The following SMCO4 variants were observed in gnomAD, a reference collection of about 807,000 sequenced individuals.
The protein encoded by SMCO4 is single-pass membrane protein with coiled-coil domains 4.
SMCO4 carries 4 observed loss-of-function variants against 3.6 expected under a neutral mutation model. The observed-to-expected ratio is 1.11, with a 90% CI of 0.54 to 2.53. SMCO4 has a LOEUF of 2.53. SMCO4 is among the 30% of genes most tolerant of loss of function. SMCO4 has a pLI of 0.02. For missense variants in SMCO4, 70 were observed against 80.8 expected (o/e 0.87, Z 0.51); for synonymous variants, 36 against 35.3 (o/e 1.02, Z -0.07).
At chr11:93,512,082 T>C (rs192311041) in intron 1 of SMCO4, among the ~76,000 whole-genome samples, 2 of 152,220 alleles carry the variant, frequency 1.3e-5, no homozygotes, top group Non-Finnish European at 2.9e-5. Context: ...GCCAGAAATA[T>C]GCAATAGGAA....
At chr11:93,533,589 C>T (rs572957654) in intron 1 of SMCO4, among the ~76,000 whole-genome samples, 5 of 152,252 alleles carry the variant, frequency 3.3e-5, no homozygotes, top group Admixed American at 6.5e-5. Context: ...AGAGGTTGCA[C>T]TAGCAATCCC....
chr11:93,492,106 C>T (rs1411332495), intron 2 of SMCO4, among the ~76,000 whole-genome samples: 1 of 152,170 alleles, frequency 6.6e-6, no homozygotes, highest in South Asian at 2.1e-4. Flanking sequence ...ATTGTGCATC[C>T]GGGCCTTCCC....
At chr11:93,487,025 T>C (rs1948658367) in intron 2 of SMCO4, among the ~76,000 whole-genome samples, 1 of 152,254 alleles carries the variant, frequency 6.6e-6, no homozygotes, top group South Asian at 2.1e-4. Context: ...ACTGTGTCAT[T>C]ATTACAATAT....
At chr11:93,513,005 G>A (rs922791306) in intron 1 of SMCO4, among the ~76,000 whole-genome samples, 2 of 152,198 alleles carry the variant, frequency 1.3e-5, no homozygotes, top group Non-Finnish European at 2.9e-5. Context: ...CCCGAGAGGT[G>A]TGGGGAAACC....
At chr11:93,551,784 G>A in the SMCO4 span, among the ~76,000 whole-genome samples, 1 of 152,174 alleles carries the variant, frequency 6.6e-6, no homozygotes, top group African/African-American at 2.4e-5. Context: ...GCATTTAGTA[G>A]TGTACTAAAC....
chr11:93,543,666 T>C (rs1209845864), upstream of SMCO4, among the ~76,000 whole-genome samples: 1 of 152,198 alleles, frequency 6.6e-6, no homozygotes, highest in African/African-American at 2.4e-5. Context: ...CTTGTTGATA[T>C]ATTTCCTGCT....
chr11:93,515,419 G>C (rs1323869304), intron 1 of SMCO4, among the ~76,000 whole-genome samples: 1 of 152,114 alleles, frequency 6.6e-6, no homozygotes, highest in African/African-American at 2.4e-5. Context: ...GTAACTGTGA[G>C]GTAATTACTT....
chr11:93,509,693 T>C (rs1293967791), intron 1 of SMCO4, among the ~76,000 whole-genome samples: 1 of 152,216 alleles, frequency 6.6e-6, no homozygotes, highest in Non-Finnish European at 1.5e-5. Flanking sequence ...TGGAGATCAT[T>C]ATTCTAAGTG....
intron 1 of SMCO4, among the ~76,000 whole-genome samples, chr11:93,519,467 A>G (rs1220961896): frequency 6.6e-6 from 1 of 152,244 alleles, no homozygotes; most frequent in Non-Finnish European, 1.5e-5. Flanking sequence ...AAACAACTCA[A>G]TTAATTCATT....
intron 1 of SMCO4, among the ~76,000 whole-genome samples, chr11:93,517,593 T>G (rs1949019310): frequency 6.6e-6 from 1 of 152,232 alleles, no homozygotes; most frequent in Admixed American, 6.5e-5. Context: ...TTGAGTCCAC[T>G]TTGTTCTTCT....
rs1949220476 is a variant in SMCO4, at chr11:93,535,874, C to T, written c.-154+7402G>A. Reference sequence around the variant, plus strand: ...TTAACCACTGAATTGCTATTTTTTCCTTTTGGCCACATAGCTAGGTTTCTG... The same window carrying T: ...TTAACCACTGAATTGCTATTTTTTCTTTTTGGCCACATAGCTAGGTTTCTG... On this transcript the variant is annotated intron_variant, in intron 1 of 2. Coordinates refer to ENST00000298966, the MANE Select transcript of SMCO4 (RefSeq NM_020179.3). 4 of 1,605,966 alleles carry T rather than the reference C, an allele frequency of 2.5e-6. No homozygotes were observed. The Admixed American group carries it at 6.7e-5, about 27-fold the overall frequency.
At chr11:93,520,534 C>A (rs1237473475) in intron 1 of SMCO4, among the ~76,000 whole-genome samples, 1 of 152,158 alleles carries the variant, frequency 6.6e-6, no homozygotes, top group Non-Finnish European at 1.5e-5. Context: ...TGCTCTTGAC[C>A]ATTATACTTA....
At chr11:93,520,341 G>A (rs559339214) in intron 1 of SMCO4, among the ~76,000 whole-genome samples, 4 of 152,304 alleles carry the variant, frequency 2.6e-5, no homozygotes, top group Non-Finnish European at 5.9e-5. Flanking sequence ...GAAGAGTTTA[G>A]GAGCAGACAT....
In SMCO4 at chr11:93,478,523, A is replaced by G. The variant is rs1232927355; in HGVS notation, c.*487T>C. On this transcript the variant is annotated 3_prime_UTR_variant, in exon 3 of 3. Coordinates refer to ENST00000298966, the MANE Select transcript of SMCO4 (RefSeq NM_020179.3). The stretch of plus-strand genomic sequence containing the variant: ...AAAAATAAATATTTCACTTTGATTC[A>G]ACATATTTCAAATCACATTAAGCAC... 1 of 152,770 alleles carries G rather than the reference A, an allele frequency of 6.5e-6. No homozygotes were observed. Among genetic ancestry groups the G allele is most frequent in the African/African-American group, 2.4e-5 (1 of 41,470 alleles). 9.5% of individuals were successfully genotyped at this position (152,770 alleles called of 1,614,324 possible).
At chr11:93,480,271 C>A (rs970760709) in intron 2 of SMCO4, among the ~76,000 whole-genome samples, 6 of 152,194 alleles carry the variant, frequency 3.9e-5, no homozygotes, top group African/African-American at 7.2e-5. Context: ...AACTCACACT[C>A]CCAGTGTGAG....
At chr11:93,530,154 C>T (rs1949148454) in intron 1 of SMCO4, among the ~76,000 whole-genome samples, 2 of 152,196 alleles carry the variant, frequency 1.3e-5, no homozygotes, top group Non-Finnish European at 2.9e-5. Context: ...CTAAATCTAC[C>T]CAGGTTAAAG....
chr11:93,533,955 G>A (rs2134634551), intron 1 of SMCO4, among the ~76,000 whole-genome samples: 1 of 152,210 alleles, frequency 6.6e-6, no homozygotes, highest in Admixed American at 6.5e-5. Flanking sequence ...TGGAGGCCAA[G>A]GTGGGCAGAT....
At chr11:93,543,006 C>T (rs1408796540) in intron 1 of SMCO4, among the ~76,000 whole-genome samples, 2 of 151,856 alleles carry the variant, frequency 1.3e-5, no homozygotes, top group African/African-American at 4.8e-5. Flanking sequence ...GCCCCCGCCC[C>T]GCAGCAACCG....
At chr11:93,522,155 C>A (rs928928940) in intron 1 of SMCO4, among the ~76,000 whole-genome samples, 1 of 152,138 alleles carries the variant, frequency 6.6e-6, no homozygotes, top group Non-Finnish European at 1.5e-5. Flanking sequence ...GTTTCTTGGG[C>A]TATCGGGTTA....
Sources: gnomAD v4.1 joint callset for allele counts (sites outside exome capture counted in the v4.1 genomes callset) on GRCh38, gnomAD v4.1.1 for gene constraint, MANE v1.5 for transcripts, NCBI Gene and HGNC (gene_info 2026-07-23, HGNC 2026-07-21) for gene names.